Variants in AHCY observed in about 807,000 individuals in gnomAD.
The protein encoded by AHCY is adenosylhomocysteinase, also known as S-adenosyl-L-homocysteine hydrolase.
A neutral mutation model predicts 45.4 loss-of-function variants in AHCY; 24 were observed. The observed-to-expected ratio is 0.53, with a 90% confidence interval of 0.38 to 0.74. The LOEUF is 0.74. Among genes scored for constraint, AHCY ranks in the 30% least tolerant of loss-of-function variants. The pLI, the probability that AHCY is intolerant of heterozygous loss-of-function variation, is 0.00. For synonymous variants in AHCY, 245 were observed against 235.1 expected (o/e 1.04, Z -0.39); for missense variants, 449 against 594.1 (o/e 0.76, Z 2.54).
chr20:34,284,560 A>G lies in AHCY; in HGVS notation c.1167+880T>C, dbSNP rs527258796. Reference sequence around the variant, plus strand: ...GTTAACCCACCCAGTTATTTTTTAAATTATAATGAGGCCAGGTGCAGTGGC... The same window carrying G: ...GTTAACCCACCCAGTTATTTTTTAAGTTATAATGAGGCCAGGTGCAGTGGC... On this transcript the variant is annotated intron_variant, in intron 9 of 9. Transcript: ENST00000217426. 4.6e-5 allele frequency among the ~76,000 whole-genome samples: 7 copies of G among 152,296 alleles called. No individual in the cohort carries two copies. The East Asian group carries it at 7.7e-4, about 17-fold the overall frequency.
At chr20:34,287,256 C>T (rs2036217634) in intron 8 of AHCY, among the ~76,000 whole-genome samples, 1 of 152,224 alleles carries the variant, frequency 6.6e-6, no homozygotes, top group African/African-American at 2.4e-5. Flanking sequence ...ACTCTACCCT[C>T]CTGGTACAAC....
intron 8 of AHCY, among the ~76,000 whole-genome samples, chr20:34,287,918 T>C (rs577940167): frequency 1.3e-5 from 2 of 152,282 alleles, no homozygotes; most frequent in African/African-American, 4.8e-5. Flanking sequence ...AGGGTGGGCA[T>C]AGAGTCCAGC....
chr20:34,233,298 C>T, the AHCY span, among the ~76,000 whole-genome samples: 1 of 152,024 alleles, frequency 6.6e-6, no homozygotes, highest in African/African-American at 2.4e-5. Context: ...CAGGCACCCA[C>T]CACCATGCCC....
the AHCY span, among the ~76,000 whole-genome samples, chr20:34,248,038 G>A: frequency 2.6e-5 from 4 of 151,906 alleles, no homozygotes; most frequent in African/African-American, 9.7e-5. Flanking sequence ...AAACACTGTC[G>A]CTACTAAAAA....
intron 3 of AHCY, 63 bp downstream of exon 3, chr20:34,294,018 A>G (rs2036489286): frequency 1.3e-6 from 2 of 1,509,076 alleles, no homozygotes. Flanking sequence ...TCTAGCAGTC[A>G]GTGAAGCAAA....
At chr20:34,276,941 C>T (rs79189763), downstream of AHCY, among the ~76,000 whole-genome samples, 1,676 of 152,132 alleles carry the variant, frequency 0.011, 13 homozygotes, top group Non-Finnish European at 0.018. Context: ...GATGAGAATC[C>T]GGATTCCTGG....
At chr20:34,255,058 C>T in the AHCY span, among the ~76,000 whole-genome samples, 1 of 152,082 alleles carries the variant, frequency 6.6e-6, no homozygotes, top group Admixed American at 6.6e-5. Flanking sequence ...ACCCATTGTG[C>T]AGTGAATAGT....
In AHCY at chr20:34,298,459, G is replaced by A. The variant is rs145711811; in HGVS notation, c.29-2874C>T. 2.6e-3 allele frequency among the ~76,000 whole-genome samples: 390 copies of A among 152,204 alleles called. 1 individual carries two copies. Among genetic ancestry groups the A allele is most frequent in the African/African-American group, 9.0e-3 (372 of 41,556 alleles). ...AGAGTGCGAGCCTTCTGTTATGCCC[G>A]GACAGGGCCACCAGAGGGCTCCTTG... On this transcript the variant is annotated intron_variant, in intron 1 of 9. Transcript: ENST00000217426.
chr20:34,295,190 C>A (rs1418117946), intron 2 of AHCY: 2 of 709,910 alleles, frequency 2.8e-6, no homozygotes, highest in African/African-American at 3.5e-5. Context: ...AGTGACCTTC[C>A]CAGCCAGGGA....
chr20:34,244,727 C>T, the AHCY span, among the ~76,000 whole-genome samples: 8 of 152,266 alleles, frequency 5.3e-5, no homozygotes, highest in Admixed American at 3.3e-4. Context: ...TTTCAAACAG[C>T]GCACATTCAT....
the AHCY span, among the ~76,000 whole-genome samples, chr20:34,265,096 G>A: frequency 6.6e-6 from 1 of 152,036 alleles, no homozygotes; most frequent in Admixed American, 6.6e-5. Flanking sequence ...TGCCCAGCCA[G>A]TTTACTTGAT....
At chr20:34,259,329 A>G in the AHCY span, among the ~76,000 whole-genome samples, 1,910 of 152,224 alleles carry the variant, frequency 0.013, 131 homozygotes, top group Admixed American at 0.1. Context: ...CCTGGCCAAC[A>G]TGGTGAAATC....
intron 3 of AHCY, 23 bp from the exon 4 acceptor site, chr20:34,292,530 G>C: frequency 1.9e-6 from 3 of 1,613,570 alleles, no homozygotes; most frequent in Non-Finnish European, 2.5e-6. Flanking sequence ...TGGCACATCA[G>C]GGCCTGGACT....
At chr20:34,262,966 C>A in the AHCY span, 1 of 1,541,570 alleles carries the variant, frequency 6.5e-7, no homozygotes, top group Non-Finnish European at 8.9e-7. Flanking sequence ...GACCCCCAAC[C>A]TCTGGCTAGG....
intron 9 of AHCY, among the ~76,000 whole-genome samples, chr20:34,282,275 T>C (rs2036028679): frequency 6.6e-6 from 1 of 152,166 alleles, no homozygotes; most frequent in Non-Finnish European, 1.5e-5. Flanking sequence ...AGCAGCCCTC[T>C]GGAGAGGCCC....
the AHCY span, among the ~76,000 whole-genome samples, chr20:34,234,136 G>T: frequency 6.6e-6 from 1 of 152,288 alleles, no homozygotes; most frequent in East Asian, 1.9e-4. Context: ...GCACAAGCTT[G>T]ATCAAAAGCT....
chr20:34,302,159 C>T (rs1405546104), intron 1 of AHCY, among the ~76,000 whole-genome samples: 2 of 152,058 alleles, frequency 1.3e-5, no homozygotes, highest in African/African-American at 4.8e-5. Flanking sequence ...CGCCACCACG[C>T]CCAGCTAGTT....
At chr20:34,254,640 T>C in the AHCY span, among the ~76,000 whole-genome samples, 56 of 152,318 alleles carry the variant, frequency 3.7e-4, 1 homozygote, top group African/African-American at 1.1e-3. Flanking sequence ...CTTTTTGCTA[T>C]AGAAGCATTA....
At chr20:34,257,689 T>C in the AHCY span, among the ~76,000 whole-genome samples, 11 of 152,214 alleles carry the variant, frequency 7.2e-5, no homozygotes, top group Non-Finnish European at 1.6e-4. Context: ...CTATTCATGA[T>C]GTAATTTTTC....
Sources: gnomAD v4.1 joint callset for allele counts (sites outside exome capture counted in the v4.1 genomes callset) on GRCh38, gnomAD v4.1.1 for gene constraint, MANE v1.5 for transcripts, NCBI Gene and HGNC (gene_info 2026-07-23, HGNC 2026-07-21) for gene names.